Variants in ADAMTS16 observed in about 807,000 individuals in gnomAD.
ADAMTS16 encodes the protein ADAM metallopeptidase with thrombospondin type 1 motif 16.
In ADAMTS16, 94 loss-of-function variants were observed where a neutral mutation model predicts 145.8. The observed-to-expected ratio is 0.64, with a 90% CI of 0.55 to 0.77. The LOEUF (loss-of-function observed/expected upper bound fraction) is 0.77, where lower values mean the gene tolerates loss of function less well. Among genes scored for constraint, ADAMTS16 ranks in the 30% least tolerant of loss-of-function variants. ADAMTS16 has a pLI of 0.00. For synonymous variants in ADAMTS16, 659 were observed against 604.3 expected (o/e 1.09, Z -1.33); for missense variants, 1,585 against 1,591.5 (o/e 1.00, Z 0.07).
At position 5,213,542 on chromosome 5, in the gene ADAMTS16, C is replaced by G. The variant is rs369945519; in HGVS notation, c.1605+4296C>G. Among the ~76,000 whole-genome samples, 3 of 152,086 alleles carry G rather than the reference C, an allele frequency of 2.0e-5. No individual in the cohort carries two copies. The East Asian group carries it at 5.8e-4, about 29-fold the overall frequency. On this transcript the variant is annotated intron_variant, in intron 10 of 22. Coordinates refer to ENST00000274181, the MANE Select transcript of ADAMTS16 (RefSeq NM_139056.4). Reference sequence around the variant, plus strand: ...ATATTATTTTATGTTATAGATACTTCTATTATATTATGTTATTACATATAA... The same window carrying G: ...ATATTATTTTATGTTATAGATACTTGTATTATATTATGTTATTACATATAA...
At chr5:5,292,242 T>C (rs1579388042) in intron 18 of ADAMTS16, among the ~76,000 whole-genome samples, 1 of 152,180 alleles carries the variant, frequency 6.6e-6, no homozygotes, top group Non-Finnish European at 1.5e-5. Flanking sequence ...ACGCCTGTAA[T>C]CCCAGCCCTT....
intron 3 of ADAMTS16, among the ~76,000 whole-genome samples, chr5:5,176,846 G>T (rs547226220): frequency 3.3e-5 from 5 of 152,208 alleles, no homozygotes; most frequent in Non-Finnish European, 7.3e-5. Context: ...TGGGAGGCAT[G>T]TTGGCCATCT....
At chr5:5,244,300 T>C (rs1737376699) in intron 17 of ADAMTS16, among the ~76,000 whole-genome samples, 1 of 152,216 alleles carries the variant, frequency 6.6e-6, no homozygotes, top group African/African-American at 2.4e-5. Flanking sequence ...CTCTCTTTCC[T>C]TCCCTAGTAT....
intron 11 of ADAMTS16, among the ~76,000 whole-genome samples, chr5:5,229,373 C>G (rs2399736): frequency 0.23 from 34,298 of 151,140 alleles, 4,616 homozygotes; most frequent in Middle Eastern, 0.35. Context: ...ACGTTAGGTT[C>G]CGTTCCAGTC....
chr5:5,215,400 G>C (rs1396824330), intron 10 of ADAMTS16, among the ~76,000 whole-genome samples: 2 of 151,988 alleles, frequency 1.3e-5, no homozygotes, highest in Non-Finnish European at 2.9e-5. Context: ...ACATGAGTAA[G>C]TTCTTTAGTG....
chr5:5,239,908 G>A lies in ADAMTS16; in HGVS notation c.2506G>A (p.Glu836Lys), dbSNP rs1357396242. ...CTTAATCGCTACTGGACCAACCAACGAGACACTGATTGTGGAGGTAAAGTC... is the reference window on the plus strand; with the variant it reads ...CTTAATCGCTACTGGACCAACCAACAAGACACTGATTGTGGAGGTAAAGTC... Reference protein sequence around the residue: ...ENLIATGPTNETLIVELLFQG... With the variant: ...ENLIATGPTNKTLIVELLFQG... Residue 836 changes from glutamate (E) to lysine (K), a missense_variant, in exon 16 of 23, where the codon GAG becomes AAG. Transcript: ENST00000274181. 5 of 1,613,796 alleles carry A rather than the reference G, an allele frequency of 3.1e-6. No homozygotes were observed. Among genetic ancestry groups the A allele is most frequent in the East Asian group, 2.2e-5 (1 of 44,866 alleles).
chr5:5,300,646 G>A (rs980171157), intron 18 of ADAMTS16, among the ~76,000 whole-genome samples: 3 of 152,202 alleles, frequency 2.0e-5, no homozygotes, highest in Admixed American at 6.5e-5. Flanking sequence ...TAAGTAATGT[G>A]GTGTGGCTAT....
intron 18 of ADAMTS16, among the ~76,000 whole-genome samples, chr5:5,288,430 G>A (rs1054485548): frequency 1.3e-5 from 2 of 152,204 alleles, no homozygotes; most frequent in African/African-American, 4.8e-5. Flanking sequence ...AGATGTTATA[G>A]ATAATCTGTA....
chr5:5,162,578 C>T (rs778810378), intron 3 of ADAMTS16, among the ~76,000 whole-genome samples: 7 of 152,216 alleles, frequency 4.6e-5, no homozygotes, highest in Middle Eastern at 3.4e-3. Flanking sequence ...GGTGCATGCA[C>T]GGGGAACAGC....
intron 7 of ADAMTS16, 27 bp downstream of exon 7, chr5:5,190,157 A>C: frequency 6.5e-7 from 1 of 1,548,386 alleles, no homozygotes; most frequent in Non-Finnish European, 8.7e-7. Flanking sequence ...GAGTGTGAGG[A>C]CCGTGTGTGG....
At chr5:5,242,683 T>TGAAAACATCAAGAA (rs1435752063) in intron 17 of ADAMTS16, among the ~76,000 whole-genome samples, 2 of 152,152 alleles carry the variant, frequency 1.3e-5, no homozygotes, top group African/African-American at 4.8e-5. Context: ...AAAGTTCCAA[T>TGAAAACATCAAGAA]GAAAACATCA....
At chr5:5,186,786 G>A (rs1735514016) in intron 5 of ADAMTS16, among the ~76,000 whole-genome samples, 1 of 152,234 alleles carries the variant, frequency 6.6e-6, no homozygotes, top group South Asian at 2.1e-4. Flanking sequence ...AGTGATGAGA[G>A]GTATACTAAG....
At chr5:5,283,129 C>A (rs9688116) in intron 18 of ADAMTS16, among the ~76,000 whole-genome samples, 4,370 of 152,060 alleles carry the variant, frequency 0.029, 236 homozygotes, top group African/African-American at 0.099. Flanking sequence ...TTTACCCCTG[C>A]CCTTAGTTTA....
At chr5:5,295,426 C>T (rs1476173241) in intron 18 of ADAMTS16, among the ~76,000 whole-genome samples, 1 of 151,954 alleles carries the variant, frequency 6.6e-6, no homozygotes, top group Non-Finnish European at 1.5e-5. Context: ...TACATAACTC[C>T]AATAACAAAT....
intron 17 of ADAMTS16, among the ~76,000 whole-genome samples, chr5:5,245,555 C>A (rs138266378): frequency 2.0e-5 from 3 of 152,054 alleles, no homozygotes; most frequent in African/African-American, 7.2e-5. Context: ...GAATTTGAAA[C>A]GTTTAAATCA....
chr5:5,198,960 A>G (rs1278533484), intron 8 of ADAMTS16, among the ~76,000 whole-genome samples: 1 of 152,096 alleles, frequency 6.6e-6, no homozygotes, highest in Non-Finnish European at 1.5e-5. Flanking sequence ...ATCTCACCAC[A>G]TGAGACCCTG....
At chr5:5,190,614 G>T in intron 7 of ADAMTS16, among the ~76,000 whole-genome samples, 1 of 152,056 alleles carries the variant, frequency 6.6e-6, no homozygotes, top group Non-Finnish European at 1.5e-5. Flanking sequence ...ATTCTTTCCG[G>T]ATGGTCTGTG....
intron 9 of ADAMTS16, among the ~76,000 whole-genome samples, chr5:5,208,704 A>C (rs956268612): frequency 1.3e-5 from 2 of 152,206 alleles, no homozygotes; most frequent in African/African-American, 4.8e-5. Context: ...GAAATAGAGT[A>C]TGTTTTATTT....
At chr5:5,272,037 A>G (rs1236120312) in intron 18 of ADAMTS16, among the ~76,000 whole-genome samples, 1 of 151,838 alleles carries the variant, frequency 6.6e-6, no homozygotes, top group African/African-American at 2.4e-5. Flanking sequence ...AAAAGGGGGG[A>G]GCAATTTCCT....
Sources: allele counts gnomAD v4.1 joint callset (sites outside exome capture counted in the v4.1 genomes callset), GRCh38; gene constraint gnomAD v4.1.1; transcripts MANE v1.5; gene names NCBI Gene and HGNC (gene_info 2026-07-23, HGNC 2026-07-21).